CIROZ: variants seen among roughly 807,000 people sequenced by gnomAD.
The protein encoded by CIROZ is ciliated left-right organizer ZP-N domains-containing protein.
the CIROZ span, among the ~76,000 whole-genome samples, chr1:10,980,844 G>A: frequency 5.3e-5 from 8 of 152,218 alleles, no homozygotes; most frequent in Admixed American, 1.3e-4. Context: ...ATCCCCCAAA[G>A]CTGAGCCCCC....
chr1:10,962,349 A>C, the CIROZ span, among the ~76,000 whole-genome samples: 1 of 152,050 alleles, frequency 6.6e-6, no homozygotes, highest in East Asian at 1.9e-4. Flanking sequence ...CGTGAGGCTG[A>C]GGCAGGAGAA....
the CIROZ span, chr1:10,947,549 T>G: frequency 2.1e-6 from 2 of 931,344 alleles, no homozygotes; most frequent in Non-Finnish European, 3.0e-6. Context: ...GGGGCTTCCC[T>G]GGAAAGACGG....
chr1:10,972,025 C>T, the CIROZ span, among the ~76,000 whole-genome samples: 4 of 152,244 alleles, frequency 2.6e-5, no homozygotes, highest in African/African-American at 4.8e-5. Flanking sequence ...ATGGCATCCC[C>T]AACACCTTGC....
chr1:10,967,155 GAAA>G, the CIROZ span, among the ~76,000 whole-genome samples: 59,290 of 116,504 alleles, frequency 0.51, 13,175 homozygotes, highest in Middle Eastern at 0.57. Flanking sequence ...TCCAAAAAAA[GAAA>G]AAAAAAAAAA....
chr1:10,949,245 G>T, the CIROZ span: 1 of 247,380 alleles, frequency 4.0e-6, no homozygotes, highest in South Asian at 8.8e-5. Context: ...AAAAAGAAGA[G>T]CTGGAGGAAA....
At chr1:10,954,315 G>A in the CIROZ span, among the ~76,000 whole-genome samples, 2 of 151,986 alleles carry the variant, frequency 1.3e-5, no homozygotes, top group African/African-American at 2.4e-5. Flanking sequence ...TTAGCTGGGC[G>A]TGGTGGTGGG....
the CIROZ span, among the ~76,000 whole-genome samples, chr1:10,954,823 G>A: frequency 6.6e-6 from 1 of 152,042 alleles, no homozygotes; most frequent in Admixed American, 6.6e-5. Context: ...GAACTCCCAG[G>A]CTCAAGTGAC....
the CIROZ span, among the ~76,000 whole-genome samples, chr1:10,978,420 G>A: frequency 1.3e-5 from 2 of 151,076 alleles, no homozygotes; most frequent in Admixed American, 6.6e-5. Flanking sequence ...TGTATGTCAC[G>A]GAGTCCCGCT....
At chr1:10,955,483 G>A in the CIROZ span, among the ~76,000 whole-genome samples, 1 of 152,186 alleles carries the variant, frequency 6.6e-6, no homozygotes, top group African/African-American at 2.4e-5. Flanking sequence ...TGTCTCTACT[G>A]AGACCGTCTT....
the CIROZ span, among the ~76,000 whole-genome samples, chr1:10,951,884 G>A: frequency 6.6e-6 from 1 of 151,578 alleles, no homozygotes; most frequent in Non-Finnish European, 1.5e-5. Context: ...TTACTTTTGG[G>A]GTCAGGGAAG....
At chr1:10,978,387 G>A in the CIROZ span, among the ~76,000 whole-genome samples, 1 of 151,710 alleles carries the variant, frequency 6.6e-6, no homozygotes, top group African/African-American at 2.4e-5. Flanking sequence ...TCACTGAGAG[G>A]TGACAGTTGA....
At chr1:10,982,027 G>A in the CIROZ span, 20 of 1,537,100 alleles carry the variant, frequency 1.3e-5, 1 homozygote, top group East Asian at 4.9e-4. Context: ...AAGTGCTGGG[G>A]ACCCCCACAT....
the CIROZ span, chr1:10,948,355 G>A: frequency 5.6e-6 from 9 of 1,613,496 alleles, no homozygotes; most frequent in Non-Finnish European, 6.8e-6. Flanking sequence ...GCCCGCCAGG[G>A]CCTCGCCAAT....
At chr1:10,975,872 C>T in the CIROZ span, among the ~76,000 whole-genome samples, 68 of 143,730 alleles carry the variant, frequency 4.7e-4, no homozygotes, top group African/African-American at 1.4e-3. Flanking sequence ...GCCCGGCACA[C>T]GACACACGCT....
chr1:10,948,155 C>A, the CIROZ span: 81 of 1,613,576 alleles, frequency 5.0e-5, no homozygotes, highest in Non-Finnish European at 6.6e-5. Context: ...CCCTCGCTGG[C>A]AGGATGGAGA....
the CIROZ span, chr1:10,949,834 G>T: frequency 6.6e-7 from 1 of 1,524,258 alleles, no homozygotes; most frequent in South Asian, 1.2e-5. Flanking sequence ...AGAAGACAGA[G>T]GTCAGCCTTC....
the CIROZ span, among the ~76,000 whole-genome samples, chr1:10,968,954 C>G: frequency 1.3e-5 from 2 of 152,192 alleles, no homozygotes; most frequent in Non-Finnish European, 2.9e-5. Context: ...TAATGGCTCT[C>G]CAAAGAACAG....
At chr1:10,970,864 G>T in the CIROZ span, among the ~76,000 whole-genome samples, 2 of 150,918 alleles carry the variant, frequency 1.3e-5, no homozygotes, top group Non-Finnish European at 2.9e-5. Flanking sequence ...ATGAGTACTC[G>T]CCAGGCATGG....
chr1:10,975,877 C>T, the CIROZ span, among the ~76,000 whole-genome samples: 1 of 135,556 alleles, frequency 7.4e-6, no homozygotes, highest in Non-Finnish European at 1.5e-5. Flanking sequence ...GCACACGACA[C>T]ACGCTCCCTG....
Sources: gnomAD v4.1 joint callset for allele counts (sites outside exome capture counted in the v4.1 genomes callset) on GRCh38, gnomAD v4.1.1 for gene constraint, MANE v1.5 for transcripts, NCBI Gene and HGNC (gene_info 2026-07-23, HGNC 2026-07-21) for gene names.